The following DLG2 variants were observed in gnomAD, a reference collection of about 807,000 sequenced individuals.
DLG2 encodes discs large MAGUK scaffold protein 2.
A neutral mutation model predicts 132.5 loss-of-function variants in DLG2; 45 were observed. The observed-to-expected ratio is 0.34, with a 90% CI of 0.27 to 0.44. The LOEUF is 0.44. Ranked by LOEUF, DLG2 falls within the 20% of genes least tolerant of loss-of-function variation. DLG2 has a pLI of 1.00. For synonymous variants in DLG2, 424 were observed against 419.6 expected (o/e 1.01, Z -0.13); for missense variants, 1,045 against 1,196.9 (o/e 0.87, Z 1.87).
At chr11:84,362,531 C>CTTT in intron 7 of DLG2, among the ~76,000 whole-genome samples, 1 of 150,722 alleles carries the variant, frequency 6.6e-6, no homozygotes, top group African/African-American at 2.4e-5. Context: ...TATTATACTT[C>CTTT]AAGTTTTAGG....
At chr11:84,502,350 C>A (rs2099219372) in intron 7 of DLG2, among the ~76,000 whole-genome samples, 1 of 53,286 alleles carries the variant, frequency 1.9e-5, no homozygotes, top group Non-Finnish European at 3.3e-5. Flanking sequence ...TTCTTTCTTT[C>A]TTTCTTTCTT....
intron 7 of DLG2, among the ~76,000 whole-genome samples, chr11:84,293,538 G>A (rs917391939): frequency 6.6e-6 from 1 of 152,122 alleles, no homozygotes; most frequent in African/African-American, 2.4e-5. Flanking sequence ...GCCGTGCATA[G>A]TGGCAGGCAC....
intron 6 of DLG2, among the ~76,000 whole-genome samples, chr11:84,555,197 C>A (rs1417570797): frequency 6.6e-6 from 1 of 151,956 alleles, no homozygotes; most frequent in African/African-American, 2.4e-5. Flanking sequence ...TCTTAGTGAG[C>A]CTGTAAGAGG....
chr11:85,540,243 C>T (rs1159990972), intron 3 of DLG2, among the ~76,000 whole-genome samples: 1 of 152,118 alleles, frequency 6.6e-6, no homozygotes. Flanking sequence ...TTGCATTTTC[C>T]AAGACCACTC....
intron 6 of DLG2, among the ~76,000 whole-genome samples, chr11:85,069,145 A>G (rs1281543251): frequency 2.0e-5 from 3 of 151,892 alleles, no homozygotes; most frequent in Non-Finnish European, 2.9e-5. Context: ...TTATACAAAA[A>G]TTAATTCAAG....
rs1316043660 is a variant in DLG2, at chr11:83,476,987, C to T, written c.2294-4210G>A. Among the ~76,000 whole-genome samples the T allele has an allele frequency of 3.9e-5, 6 of 152,036 alleles. 1 individual carries two copies. The South Asian group carries it at 1.0e-3, about 26-fold the overall frequency. ...GAATATGCACCATTTTGACTGACTC[C>T]AGTGGAGAAGTTTTGGGTCTCCTGA... On this transcript the variant is annotated intron_variant, in intron 22 of 27. Transcript: ENST00000376104.
At chr11:84,606,436 C>T (rs2099585846) in intron 6 of DLG2, among the ~76,000 whole-genome samples, 1 of 152,040 alleles carries the variant, frequency 6.6e-6, no homozygotes, top group African/African-American at 2.4e-5. Flanking sequence ...TATGGTGGAC[C>T]TCTTCTAAAT....
chr11:83,464,119 A>G (rs1043753190), intron 26 of DLG2, among the ~76,000 whole-genome samples: 4 of 152,226 alleles, frequency 2.6e-5, no homozygotes, highest in Admixed American at 6.5e-5. Context: ...ACAGAGCATC[A>G]TGGGAGCAGG....
At chr11:85,274,959 C>T (rs563401827) in intron 4 of DLG2, among the ~76,000 whole-genome samples, 6 of 152,136 alleles carry the variant, frequency 3.9e-5, no homozygotes, top group Non-Finnish European at 7.4e-5. Context: ...CATGGCAGCT[C>T]ATACTTTGTT....
intron 6 of DLG2, among the ~76,000 whole-genome samples, chr11:84,649,004 C>T (rs1446860667): frequency 2.0e-5 from 3 of 151,978 alleles, no homozygotes; most frequent in Non-Finnish European, 2.9e-5. Flanking sequence ...TCTAAAGCAA[C>T]AAAATGAATA....
At chr11:85,350,433 T>G (rs1444867440) in intron 3 of DLG2, among the ~76,000 whole-genome samples, 1 of 152,254 alleles carries the variant, frequency 6.6e-6, no homozygotes, top group Non-Finnish European at 1.5e-5. Context: ...TTTGTCAATT[T>G]TAGCTTTTGT....
At chr11:85,240,729 T>A (rs1032859988) in intron 4 of DLG2, among the ~76,000 whole-genome samples, 1 of 151,836 alleles carries the variant, frequency 6.6e-6, no homozygotes, top group Non-Finnish European at 1.5e-5. Context: ...AGTTTGTTTT[T>A]TAAGTTACCT....
At chr11:84,576,368 T>C (rs922832683) in intron 6 of DLG2, among the ~76,000 whole-genome samples, 2 of 152,222 alleles carry the variant, frequency 1.3e-5, no homozygotes, top group African/African-American at 4.8e-5. Flanking sequence ...AATCTGTTTT[T>C]AGCAGAAACA....
At chr11:83,724,955 TA>T in intron 18 of DLG2, 11 of 702,186 alleles carry the variant, frequency 1.6e-5, no homozygotes, top group South Asian at 1.0e-4. Context: ...GCTTGGTGTA[TA>T]AACTCCGCCT....
intron 5 of DLG2, among the ~76,000 whole-genome samples, chr11:85,122,960 T>C (rs2074545920): frequency 2.2e-5 from 1 of 44,812 alleles, no homozygotes; most frequent in Non-Finnish European, 4.0e-5. Context: ...TATATATATA[T>C]ATATATATAT....
At chr11:84,271,949 C>CAAAAAAAAAAAA (rs71036417) in intron 7 of DLG2, among the ~76,000 whole-genome samples, 5 of 77,790 alleles carry the variant, frequency 6.4e-5, no homozygotes, top group Non-Finnish European at 1.0e-4. Flanking sequence ...TTGATAATAA[C>CAAAAAAAAAAAA]AAAAAAAAAA....
At chr11:83,733,649 C>T (rs911555541) in intron 18 of DLG2, among the ~76,000 whole-genome samples, 2 of 152,214 alleles carry the variant, frequency 1.3e-5, no homozygotes, top group Non-Finnish European at 2.9e-5. Context: ...CTTCTTCCTC[C>T]TCTCTACAAT....
intron 6 of DLG2, among the ~76,000 whole-genome samples, chr11:84,775,292 G>C (rs2153896847): frequency 6.6e-6 from 1 of 152,260 alleles, no homozygotes; most frequent in Admixed American, 6.5e-5. Context: ...TGATGAGCTT[G>C]TGGAGAAAAG....
intron 18 of DLG2, among the ~76,000 whole-genome samples, chr11:83,678,566 C>T (rs1019392951): frequency 3.7e-4 from 57 of 152,148 alleles, no homozygotes; most frequent in African/African-American, 1.3e-3. Context: ...TTGGTTTCCC[C>T]TCAGACTCAG....
Sources: gnomAD v4.1 joint callset for allele counts (sites outside exome capture counted in the v4.1 genomes callset) on GRCh38, gnomAD v4.1.1 for gene constraint, MANE v1.5 for transcripts, NCBI Gene and HGNC (gene_info 2026-07-23, HGNC 2026-07-21) for gene names.